Variants in CFH observed in about 807,000 individuals in gnomAD.
The protein encoded by CFH is complement factor H, also known as H factor 1 (complement).
Under a neutral mutation model 147.3 loss-of-function variants are expected in CFH, and 53 were observed. The observed-to-expected ratio is 0.36, with a 90% CI of 0.29 to 0.45. The LOEUF (loss-of-function observed/expected upper bound fraction) is 0.45, where lower values mean the gene tolerates loss of function less well. Ranked by LOEUF, CFH falls within the 20% of genes least tolerant of loss-of-function variation. The pLI, the probability that CFH is intolerant of heterozygous loss-of-function variation, is 1.00. For missense variants in CFH, 1,380 were observed against 1,498.0 expected, an observed-to-expected ratio of 0.92 and a Z score of 1.30; for synonymous variants, 536 against 489.4, an observed-to-expected ratio of 1.10 and a Z score of -1.26.
At chr1:196,744,478 C>A (rs1250738988) in intron 20 of CFH, among the ~76,000 whole-genome samples, 2 of 152,080 alleles carry the variant, frequency 1.3e-5, no homozygotes, top group African/African-American at 2.4e-5. Flanking sequence ...TCCATTCTAT[C>A]TCTTTGTATA....
At chr1:196,661,533 C>T (rs1007471930) in intron 1 of CFH, among the ~76,000 whole-genome samples, 2 of 152,106 alleles carry the variant, frequency 1.3e-5, no homozygotes, top group African/African-American at 4.8e-5. Flanking sequence ...TTGGCTGTGT[C>T]CTCCAATGAT....
At chr1:196,653,234 T>C (rs512900) in intron 1 of CFH, among the ~76,000 whole-genome samples, 18,542 of 151,740 alleles carry the variant, frequency 0.12, 3,342 homozygotes, top group African/African-American at 0.39. Context: ...AAAGGTTGAA[T>C]TATTTTCAGT....
At chr1:196,707,327 A>G (rs1039793496) in intron 9 of CFH, among the ~76,000 whole-genome samples, 1 of 152,148 alleles carries the variant, frequency 6.6e-6, no homozygotes, top group African/African-American at 2.4e-5. Context: ...TTCTCAGACT[A>G]AGGAATGCCA....
intron 4 of CFH, 92 bp downstream of exon 4, chr1:196,676,157 A>T: frequency 1.4e-6 from 1 of 738,812 alleles, no homozygotes. Context: ...TCTCTATTAA[A>T]TATTTTTATT....
intron 15 of CFH, among the ~76,000 whole-genome samples, chr1:196,734,748 C>A (rs1332347538): frequency 6.6e-6 from 1 of 151,968 alleles, no homozygotes; most frequent in African/African-American, 2.4e-5. Flanking sequence ...TTTTTTAAAT[C>A]TTGATCATTG....
At chr1:196,679,594 C>T (rs780287854) in intron 5 of CFH, 29 bp from the exon 6 acceptor site, 2 of 1,517,620 alleles carry the variant, frequency 1.3e-6, no homozygotes, top group Non-Finnish European at 9.1e-7. Context: ...TTGCAATAAA[C>T]ATTTTGGAAT....
intron 11 of CFH, among the ~76,000 whole-genome samples, 169 bp from the exon 12 acceptor site, chr1:196,724,952 T>G (rs1251895378): frequency 6.6e-6 from 1 of 152,202 alleles, no homozygotes; most frequent in Non-Finnish European, 1.5e-5. Flanking sequence ...CCATTTCAAT[T>G]TAGACAGCAT....
intron 9 of CFH, among the ~76,000 whole-genome samples, chr1:196,707,154 T>C (rs984081721): frequency 6.6e-6 from 1 of 152,058 alleles, no homozygotes; most frequent in African/African-American, 2.4e-5. Context: ...AGATAAATCA[T>C]ACTATATAAA....
At chr1:196,689,662 A>G (rs750301212) in intron 8 of CFH, 48 bp downstream of exon 8, 9 of 1,594,274 alleles carry the variant, frequency 5.6e-6, no homozygotes, top group African/African-American at 1.3e-5. Context: ...ACTTTCAAAG[A>G]TCGAAGAAAG....
At chr1:196,679,816 G>T in intron 6 of CFH, 23 bp downstream of exon 6, 1 of 1,597,376 alleles carries the variant, frequency 6.3e-7, no homozygotes, top group Non-Finnish European at 8.6e-7. Flanking sequence ...TTATTTTCTG[G>T]ATCTTTATAA....
rs1319792154 is a variant in CFH, at chr1:196,713,736, A to T, written c.1338A>T (p.Lys446Asn). Reference protein sequence around the residue: ...WSPTPRCIRVKTCSKSSIDIE... With the variant: ...WSPTPRCIRVNTCSKSSIDIE... Reference sequence around the variant, plus strand: ...TTTTCTTATTCTCTTCCCTTTTAGAAACATGTTCCAAATCAAGTATAGATA... The same window carrying T: ...TTTTCTTATTCTCTTCCCTTTTAGATACATGTTCCAAATCAAGTATAGATA... Residue 446 changes from lysine (K) to asparagine (N), a missense_variant and splice_region_variant, in exon 10 of 22, where the codon AAA becomes AAT. Transcript: ENST00000367429. 6.4e-7 allele frequency: 1 copy of T among 1,568,104 alleles called. No homozygotes were observed. The highest frequency in any genetic ancestry group is 1.4e-5 in the African/African-American group (1 of 73,862).
At chr1:196,699,228 G>A (rs939762161) in intron 9 of CFH, among the ~76,000 whole-genome samples, 4 of 86,410 alleles carry the variant, frequency 4.6e-5, no homozygotes, top group Admixed American at 1.5e-4. Flanking sequence ...TTGAGATAAT[G>A]TGTTTTTTTT....
intron 9 of CFH, among the ~76,000 whole-genome samples, chr1:196,710,177 C>T (rs1048238829): frequency 2.6e-5 from 4 of 152,126 alleles, no homozygotes; most frequent in African/African-American, 9.7e-5. Context: ...CCCAAATTTT[C>T]TAGCCCGTCA....
chr1:196,687,875 A>G (rs1667880889), intron 7 of CFH, among the ~76,000 whole-genome samples: 1 of 152,082 alleles, frequency 6.6e-6, no homozygotes, highest in South Asian at 2.1e-4. Flanking sequence ...AGATATATGG[A>G]TTGTAGGCCA....
At chr1:196,703,312 G>A (rs200692152) in intron 9 of CFH, among the ~76,000 whole-genome samples, 57 of 152,270 alleles carry the variant, frequency 3.7e-4, no homozygotes, top group Admixed American at 6.5e-4. Flanking sequence ...ACTGCAACAG[G>A]GGGGACACTG....
At chr1:196,663,004 C>T (rs192341110) in intron 1 of CFH, among the ~76,000 whole-genome samples, 161 of 152,210 alleles carry the variant, frequency 1.1e-3, no homozygotes, top group African/African-American at 3.7e-3. Context: ...GTGGCGTCTG[C>T]TATTGCTATT....
chr1:196,692,744 CTT>C (rs1553275212), intron 9 of CFH, among the ~76,000 whole-genome samples: 18 of 131,544 alleles, frequency 1.4e-4, no homozygotes, highest in Non-Finnish European at 1.6e-4. Context: ...CCCTTCCTTT[CTT>C]TTTCTTTCTT....
intron 9 of CFH, among the ~76,000 whole-genome samples, chr1:196,699,430 G>A (rs1668386599): frequency 6.6e-6 from 1 of 152,108 alleles, no homozygotes; most frequent in Non-Finnish European, 1.5e-5. Context: ...ATATATTGTG[G>A]CTACAAGCCC....
At position 196,679,893 on chromosome 1, in the gene CFH, A is replaced by G. The variant is rs56340561; in HGVS notation, c.790+100A>G. On this transcript the variant is annotated intron_variant, in intron 6 of 21. Transcript: ENST00000367429. ...TATTTTAATCAAAAGTAGAGTGCTA[A>G]TTTATGTAAATAAACTATTATAAAA... is the stretch of plus-strand genomic sequence containing the variant. The G allele has an allele frequency of 6.6e-6, 7 of 1,052,640 alleles. No individual in the cohort carries two copies. The East Asian group carries it at 1.3e-4, about 20-fold the overall frequency. The allele number at this position is 1,052,640 out of a possible 1,614,324, so 65.2% of individuals were successfully genotyped here. A position where few individuals can be genotyped will look rare whatever the true frequency, so the allele number is the denominator to read the frequency against.
Sources: allele counts gnomAD v4.1 joint callset (sites outside exome capture counted in the v4.1 genomes callset), GRCh38; gene constraint gnomAD v4.1.1; transcripts MANE v1.5; gene names NCBI Gene and HGNC (gene_info 2026-07-23, HGNC 2026-07-21).